SGK1: variants seen among roughly 807,000 people sequenced by gnomAD.
The protein encoded by SGK1 is serine/threonine-protein kinase Sgk1.
A neutral mutation model predicts 64.2 loss-of-function variants in SGK1; 26 were observed. The observed-to-expected ratio is 0.40, with a 90% CI of 0.30 to 0.56. SGK1 has a LOEUF of 0.56. Ranked by LOEUF, SGK1 falls within the 20% of genes least tolerant of loss-of-function variation. The pLI, the probability that SGK1 is intolerant of heterozygous loss-of-function variation, is 0.38. For missense variants in SGK1, 519 were observed against 645.6 expected (o/e 0.80, Z 2.12); for synonymous variants, 265 against 239.7 (o/e 1.11, Z -0.98).
chr6:134,212,741 C>T (rs996681596), intron 2 of SGK1, among the ~76,000 whole-genome samples: 3 of 152,168 alleles, frequency 2.0e-5, no homozygotes, highest in East Asian at 1.9e-4. Flanking sequence ...GTAAAGAATG[C>T]TTTATGACTT....
chr6:134,217,933 G>A (rs1289882962), intron 2 of SGK1, among the ~76,000 whole-genome samples: 1 of 152,122 alleles, frequency 6.6e-6, no homozygotes, highest in Non-Finnish European at 1.5e-5. Flanking sequence ...AACAGCTTAA[G>A]GCAATTCACC....
At chr6:134,266,422 C>T (rs1489596908) in intron 1 of SGK1, among the ~76,000 whole-genome samples, 2 of 151,998 alleles carry the variant, frequency 1.3e-5, no homozygotes, top group Non-Finnish European at 2.9e-5. Context: ...CAAGACCAGC[C>T]TGACCAACAT....
chr6:134,199,094 G>T (rs1483147560), intron 3 of SGK1, among the ~76,000 whole-genome samples: 2 of 152,036 alleles, frequency 1.3e-5, no homozygotes, highest in African/African-American at 4.8e-5. Flanking sequence ...AAAACATATA[G>T]GAGCTAAATG....
intron 2 of SGK1, among the ~76,000 whole-genome samples, chr6:134,213,126 T>G (rs1409948694): frequency 6.6e-6 from 1 of 152,182 alleles, no homozygotes; most frequent in African/African-American, 2.4e-5. Flanking sequence ...AAGCACAAGT[T>G]TATAGAAATC....
chr6:134,188,988 C>T (rs2114662626), intron 3 of SGK1, among the ~76,000 whole-genome samples: 1 of 150,608 alleles, frequency 6.6e-6, no homozygotes, highest in Non-Finnish European at 1.5e-5. Context: ...TCAAGTGATC[C>T]TCCCACCTTG....
chr6:134,248,444 CCT>C (rs1776557738), intron 2 of SGK1, among the ~76,000 whole-genome samples: 1 of 143,810 alleles, frequency 7.0e-6, no homozygotes, highest in Non-Finnish European at 1.5e-5. Flanking sequence ...CTCTCCTCCG[CCT>C]TTTTTTTTTT....
At chr6:134,284,491 C>CTTTCTTT (rs1554227172) in intron 1 of SGK1, among the ~76,000 whole-genome samples, 17 of 143,118 alleles carry the variant, frequency 1.2e-4, no homozygotes, top group South Asian at 1.1e-3. Context: ...TTCTTTCTTT[C>CTTTCTTT]TTTTTTTTTT....
chr6:134,251,803 G>A (rs1380903472), intron 2 of SGK1, among the ~76,000 whole-genome samples: 1 of 152,162 alleles, frequency 6.6e-6, no homozygotes, highest in African/African-American at 2.4e-5. Context: ...CACCCAGGCT[G>A]GAGTGCAGTG....
At chr6:134,207,206 A>G in intron 3 of SGK1, 150 bp downstream of exon 3, 1 of 576,076 alleles carries the variant, frequency 1.7e-6, no homozygotes, top group Non-Finnish European at 3.1e-6. Flanking sequence ...AACCTGGGCA[A>G]CAGAGCAAGA....
At position 134,279,296 on chromosome 6, in the gene SGK1, G is replaced by A. The variant is rs545599167; in HGVS notation, c.70-17148C>T. On this transcript the variant is annotated intron_variant, in intron 1 of 13. Transcript: ENST00000367858. ...AAAATACAAAAATTAGCTGGACGTG[G>A]TGGTGCGTGCCTGTAGTTCCAGCTA... is the stretch of plus-strand genomic sequence containing the variant. Among the ~76,000 whole-genome samples, 82 of 152,242 alleles carry A rather than the reference G, an allele frequency of 5.4e-4. 1 individual carries two copies. Among genetic ancestry groups the A allele is most frequent in the Admixed American group, 4.8e-3 (73 of 15,288 alleles).
chr6:134,244,941 A>G (rs1436116225), intron 2 of SGK1, among the ~76,000 whole-genome samples: 1 of 151,902 alleles, frequency 6.6e-6, no homozygotes, highest in Non-Finnish European at 1.5e-5. Context: ...ATGCCCAGCT[A>G]ATTTTTGTAT....
chr6:134,312,904 C>A (rs1777626849), intron 1 of SGK1, among the ~76,000 whole-genome samples: 1 of 152,102 alleles, frequency 6.6e-6, no homozygotes, highest in African/African-American at 2.4e-5. Flanking sequence ...TCCTGAGTAG[C>A]TGGGATTATG....
intron 1 of SGK1, among the ~76,000 whole-genome samples, chr6:134,307,616 T>A (rs1365209029): frequency 6.6e-6 from 1 of 152,192 alleles, no homozygotes; most frequent in East Asian, 1.9e-4. Flanking sequence ...ACATAAATGC[T>A]ATGTAAATAG....
rs530628901 is a variant in SGK1 at position 134,203,979 on chromosome 6, G to T, written c.361+3377C>A. ...CTCAGGAGGCTGAGGCAGGAGAATT[G>T]CTTGAACCCAGGAGGCAGAGGTTGC... On this transcript the variant is annotated intron_variant, in intron 3 of 13. Transcript: ENST00000367858. 2.6e-5 allele frequency among the ~76,000 whole-genome samples: 4 copies of T among 151,762 alleles called. No homozygotes were observed. The South Asian group carries it at 6.2e-4, about 24-fold the overall frequency.
In SGK1 at chr6:134,216,062, G is replaced by A. The variant is rs539167668; in HGVS notation, c.286-8631C>T. On this transcript the variant is annotated intron_variant, in intron 2 of 13. Transcript: ENST00000367858. ...TCTTCAACAAAATAAATATATTCAC[G>A]TATGCATAAATTTTTTAAAACTTTT... Among the ~76,000 whole-genome samples the A allele has an allele frequency of 7.9e-5, 12 of 151,742 alleles. No individual in the cohort carries two copies. The South Asian group carries it at 1.5e-3, about 18-fold the overall frequency.
intron 3 of SGK1, chr6:134,177,846 A>G: frequency 1.9e-6 from 3 of 1,602,258 alleles, no homozygotes; most frequent in Non-Finnish European, 2.6e-6. Flanking sequence ...AGAGACGGCT[A>G]TCCCTGTTCT....
chr6:134,257,330 G>C (rs1398120044), intron 2 of SGK1, among the ~76,000 whole-genome samples: 3 of 152,176 alleles, frequency 2.0e-5, no homozygotes, highest in African/African-American at 7.2e-5. Flanking sequence ...TTGAACCCAG[G>C]AGGCAGGGGT....
At chr6:134,249,009 C>A (rs1323155530) in intron 2 of SGK1, among the ~76,000 whole-genome samples, 5 of 152,114 alleles carry the variant, frequency 3.3e-5, no homozygotes, top group Admixed American at 3.3e-4. Context: ...TCTTTTTAAT[C>A]ATTTTTCTCA....
Position 134,317,400 on chromosome 6 carries a change from TA to T in SGK1, c.60del (p.Phe20LeufsTer24). ...PVKKCSAFQF[F>X]KKRVRRWIKS... ...GCAAAACCTGTCCTTACCCGCTTCT[TA>T]AAAAATTGGAAGGCTGAGCATTTCT... On this transcript the variant is annotated frameshift_variant, in exon 1 of 14. Transcript: ENST00000367858. LOFTEE classifies it high-confidence loss of function. 6.2e-7 allele frequency: 1 copy of T among 1,600,160 alleles called. No homozygotes were observed.
Sources: allele counts gnomAD v4.1 joint callset (sites outside exome capture counted in the v4.1 genomes callset), GRCh38; gene constraint gnomAD v4.1.1; transcripts MANE v1.5; gene names NCBI Gene and HGNC (gene_info 2026-07-23, HGNC 2026-07-21).